Variants in RPS17 observed in about 807,000 individuals in gnomAD.
RPS17 encodes the protein small ribosomal subunit protein eS17.
For synonymous variants in RPS17, 75 were observed against 65.6 expected (o/e 1.14, Z -0.70); for missense variants, 68 against 182.3 (o/e 0.37, Z 3.61).
intron 4 of RPS17, chr15:82,538,025 G>A (rs913481356): frequency 5.9e-6 from 3 of 504,468 alleles, no homozygotes; most frequent in Non-Finnish European, 7.8e-6. Flanking sequence ...CTGACACAAA[G>A]GGGGCAACGT....
chr15:82,538,443 C>T, intron 3 of RPS17, 72 bp from the exon 4 acceptor site: 2 of 1,542,562 alleles, frequency 1.3e-6, no homozygotes, highest in African/African-American at 1.4e-5. Context: ...CTCCTCTCCC[C>T]AGGTTCTTAA....
Position 82,538,875 on chromosome 15 carries a change from T to G in RPS17, c.261+5A>C. 6.2e-7 allele frequency: 1 copy of G among 1,613,772 alleles called. No individual in the cohort carries two copies. Among genetic ancestry groups the G allele is most frequent in the Non-Finnish European group, 8.5e-7 (1 of 1,179,770 alleles). ...GCCAGAAGCCCAAATATCCAGAAAG[T>G]TTACCTCAGGAACATAATTGTCTCT... On this transcript the variant is annotated splice_donor_5th_base_variant and intron_variant, in intron 3 of 4. Coordinates refer to ENST00000647841, the MANE Select transcript of RPS17 (RefSeq NM_001021.6).
chr15:82,537,297 G>A (rs2034257675), intron 4 of RPS17: 1 of 300,170 alleles, frequency 3.3e-6, no homozygotes, highest in South Asian at 3.5e-5. Flanking sequence ...GAAGTTAGCA[G>A]GTATCCCCTG....
At chr15:82,539,323 G>C in intron 2 of RPS17, 1 of 495,460 alleles carries the variant, frequency 2.0e-6, no homozygotes, top group East Asian at 5.7e-5. Flanking sequence ...CGTTGACTTT[G>C]GCACTATTCT....
chr15:82,539,450 G>C, intron 2 of RPS17: 1 of 459,226 alleles, frequency 2.2e-6, no homozygotes, highest in Non-Finnish European at 4.4e-6. Context: ...CAATTTGGGA[G>C]GCCGAGGCGG....
At chr15:82,537,104 T>C in intron 4 of RPS17, 1 of 636,274 alleles carries the variant, frequency 1.6e-6, no homozygotes, top group South Asian at 1.8e-5. Context: ...TACAACTCTA[T>C]GACTTTTACC....
chr15:82,538,593 C>A, intron 3 of RPS17: 1 of 673,666 alleles, frequency 1.5e-6, no homozygotes, highest in Non-Finnish European at 2.7e-6. Context: ...CACTTGAAGT[C>A]TGTGTTTACA....
At chr15:82,537,280 C>T (rs1362926303) in intron 4 of RPS17, 4 of 330,824 alleles carry the variant, frequency 1.2e-5, no homozygotes, top group Non-Finnish European at 2.3e-5. Flanking sequence ...TTGGCCTCTA[C>T]CCCTTAGAAG....
At chr15:82,538,483 G>T in intron 3 of RPS17, 112 bp from the exon 4 acceptor site, 1 of 1,212,080 alleles carries the variant, frequency 8.3e-7, no homozygotes, top group Non-Finnish European at 1.2e-6. Flanking sequence ...CACAAGGATA[G>T]CATTCCTCTC....
At chr15:82,539,072 CGCTTTAGT>C in intron 2 of RPS17, 87 bp from the exon 3 acceptor site, 2 of 1,292,872 alleles carry the variant, frequency 1.5e-6, no homozygotes, top group Non-Finnish European at 2.3e-6. Context: ...TATAAATACC[CGCTTTAGT>C]TCTTTTCCAC....
intron 4 of RPS17, chr15:82,537,663 G>C (rs1189341804): frequency 2.8e-6 from 1 of 359,140 alleles, no homozygotes; most frequent in Non-Finnish European, 5.4e-6. Context: ...AAGACCCACA[G>C]CGGGGCTGTA....
At chr15:82,538,668 G>C in intron 3 of RPS17, 1 of 665,724 alleles carries the variant, frequency 1.5e-6, no homozygotes, top group Admixed American at 2.5e-5. Flanking sequence ...TCAACATTAA[G>C]GGCTCTCATG....
chr15:82,539,077 T>C (rs2034293041), intron 2 of RPS17, 92 bp from the exon 3 acceptor site: 1 of 1,276,176 alleles, frequency 7.8e-7, no homozygotes, highest in Non-Finnish European at 1.1e-6. Context: ...ATACCCGCTT[T>C]AGTTCTTTTC....
intron 2 of RPS17, 60 bp from the exon 3 acceptor site, chr15:82,539,045 C>A: frequency 6.6e-7 from 1 of 1,521,860 alleles, no homozygotes; most frequent in Admixed American, 1.7e-5. Flanking sequence ...CCACCTGGTA[C>A]TGAGCACATG....
intron 3 of RPS17, 35 bp downstream of exon 3, chr15:82,538,845 G>C: frequency 1.2e-6 from 2 of 1,602,962 alleles, no homozygotes. Context: ...ATCATTTGAG[G>C]ATTAGCCAGA....
At chr15:82,537,178 G>A (rs1032469735) in intron 4 of RPS17, 6 of 495,438 alleles carry the variant, frequency 1.2e-5, no homozygotes, top group Admixed American at 3.3e-5. Context: ...CTAAAACACC[G>A]TTTCTCAATC....
Position 82,540,001 on chromosome 15 carries a change from C to G in RPS17, c.135G>C (p.Lys45Asn), listed in dbSNP as rs1272613776. Residue 45 changes from lysine to asparagine, a missense_variant, in exon 2 of 5, where the codon AAG becomes AAC. Coordinates refer to ENST00000647841, the MANE Select transcript of RPS17 (RefSeq NM_001021.6). ...CEEIAIIPSK[K>N]LRNKIAGYVT... The stretch of plus-strand genomic sequence containing the variant: ...CTCACCCTGCTATCTTGTTGCGGAG[C>G]TTTTTGCTGGGGATAATGGCGATCT... 6 of 1,612,022 alleles carry G rather than the reference C, an allele frequency of 3.7e-6. No individual in the cohort carries two copies. The African/African-American group carries it at 8.0e-5, about 22-fold the overall frequency.
rs913481356 is a variant in RPS17 at position 82,538,025 on chromosome 15, G to C, written c.327+281C>G. ...CAGATTCAGCCAGGGCTGACACAAA[G>C]GGGGCAACGTAAGCCAGCTATAAAA... On this transcript the variant is annotated intron_variant, in intron 4 of 4. Transcript: ENST00000647841. 4 of 504,468 alleles carry C rather than the reference G, an allele frequency of 7.9e-6. No individual in the cohort carries two copies. The Admixed American group carries it at 9.1e-5, about 12-fold the overall frequency. The allele number at this position is 504,468 out of a possible 1,614,324, so 31.2% of individuals were successfully genotyped here. A position where few individuals can be genotyped will look rare whatever the true frequency, so the allele number is the denominator to read the frequency against.
At chr15:82,539,299 C>G in intron 2 of RPS17, 1 of 533,372 alleles carries the variant, frequency 1.9e-6, no homozygotes, top group Non-Finnish European at 3.6e-6. Flanking sequence ...ATTCACATAA[C>G]TTGGCAATTA....
Sources: allele counts gnomAD v4.1 joint callset, GRCh38; gene constraint gnomAD v4.1.1; transcripts MANE v1.5; gene names NCBI Gene and HGNC (gene_info 2026-07-23, HGNC 2026-07-21).